The following ESRRB variants were observed in gnomAD, a reference collection of about 807,000 sequenced individuals.
ESRRB encodes the protein estrogen related receptor beta.
Under a neutral mutation model 46.0 loss-of-function variants are expected in ESRRB, and 16 were observed. That is an observed-to-expected ratio of 0.35 (90% CI 0.24 to 0.53). ESRRB has a LOEUF of 0.53. ESRRB is among the 20% of genes least tolerant of loss of function. ESRRB has a pLI of 0.93. For missense variants in ESRRB, 488 were observed against 607.4 expected (o/e 0.80, Z 2.07); for synonymous variants, 246 against 259.6 (o/e 0.95, Z 0.50).
At chr14:76,370,489 T>G (rs1001783716), upstream of ESRRB, among the ~76,000 whole-genome samples, 1 of 152,204 alleles carries the variant, frequency 6.6e-6, no homozygotes, top group Non-Finnish European at 1.5e-5. Flanking sequence ...TTCTTTGTTA[T>G]AAGAAAAAAC....
In ESRRB at chr14:76,439,607, A is replaced by T. The variant is rs769832766; in HGVS notation, c.317A>T (p.Glu106Val). 1 of 1,614,216 alleles carries T rather than the reference A, an allele frequency of 6.2e-7. No homozygotes were observed. The highest frequency in any genetic ancestry group is 1.1e-5 in the South Asian group (1 of 91,090). ...GAGGACTGTGCCAGCGGCATCATGG[A>T]GGACTCGGCCATCAAGTGCGAGTAC... ...SYEDCASGIM[E>V]DSAIKCEYML... Residue 106 changes from glutamate to valine, a missense_variant, in exon 2 of 7, where the codon GAG (glutamate) becomes GTG (valine). Transcript: ENST00000644823.
chr14:76,483,713 G>A (rs1311571413), intron 5 of ESRRB, among the ~76,000 whole-genome samples: 1 of 152,086 alleles, frequency 6.6e-6, no homozygotes, highest in African/African-American at 2.4e-5. Flanking sequence ...TTATCCTTCT[G>A]GTAATGACCC....
intron 1 of ESRRB, among the ~76,000 whole-genome samples, chr14:76,418,859 G>A (rs184688559): frequency 2.7e-5 from 4 of 149,712 alleles, no homozygotes; most frequent in Middle Eastern, 7.4e-3. Context: ...CAAGTGATCC[G>A]CCCACCTTGG....
At chr14:76,453,397 C>A (rs992348662) in intron 2 of ESRRB, among the ~76,000 whole-genome samples, 3 of 152,060 alleles carry the variant, frequency 2.0e-5, no homozygotes, top group African/African-American at 7.2e-5. Flanking sequence ...CCTGAGACAA[C>A]AGTGAACACT....
chr14:76,410,025 A>G (rs1188078449), intron 1 of ESRRB, among the ~76,000 whole-genome samples: 1 of 152,094 alleles, frequency 6.6e-6, no homozygotes, highest in African/African-American at 2.4e-5. Flanking sequence ...GGAGTTTGAG[A>G]CCACCCTGGC....
intron 1 of ESRRB, among the ~76,000 whole-genome samples, chr14:76,419,305 G>A (rs141056777): frequency 7.4e-4 from 113 of 152,268 alleles, no homozygotes; most frequent in African/African-American, 2.5e-3. Context: ...GTGAGCCACC[G>A]CACACGGCTG....
intron 1 of ESRRB, among the ~76,000 whole-genome samples, chr14:76,339,755 G>T (rs1884169889): frequency 6.6e-6 from 1 of 152,216 alleles, no homozygotes. Context: ...GGGGCAGGGG[G>T]CTCTCCCAGC....
chr14:76,458,725 T>G (rs1888723633), intron 2 of ESRRB, among the ~76,000 whole-genome samples: 1 of 151,176 alleles, frequency 6.6e-6, no homozygotes, highest in East Asian at 2.0e-4. Flanking sequence ...GCTGGAGGTG[T>G]GAAGCCCATG....
At chr14:76,367,626 G>C (rs1884538930), upstream of ESRRB, among the ~76,000 whole-genome samples, 1 of 152,078 alleles carries the variant, frequency 6.6e-6, no homozygotes, top group Admixed American at 6.5e-5. Context: ...AATTTGGGGA[G>C]CTGCCCTCCT....
At chr14:76,324,543 G>A (rs1173670246) in intron 1 of ESRRB, among the ~76,000 whole-genome samples, 5 of 152,190 alleles carry the variant, frequency 3.3e-5, no homozygotes, top group African/African-American at 1.2e-4. Flanking sequence ...GTGACCATGA[G>A]CTTCCATCTC....
intron 1 of ESRRB, among the ~76,000 whole-genome samples, chr14:76,420,185 G>A (rs2361285): frequency 0.19 from 28,701 of 152,142 alleles, 2,824 homozygotes; most frequent in Admixed American, 0.25. Flanking sequence ...CAGCTTCCCA[G>A]GTAAATCTCA....
At chr14:76,382,475 T>C (rs1267145121) in intron 1 of ESRRB, among the ~76,000 whole-genome samples, 1 of 152,220 alleles carries the variant, frequency 6.6e-6, no homozygotes, top group Admixed American at 6.5e-5. Context: ...AAGGAAGTCC[T>C]GCCCTTCTCC....
intron 1 of ESRRB, among the ~76,000 whole-genome samples, chr14:76,405,312 G>C (rs1309573058): frequency 2.0e-5 from 3 of 151,842 alleles, no homozygotes; most frequent in African/African-American, 7.3e-5. Flanking sequence ...GGTTCTTGCT[G>C]TGTTGGCCAG....
At chr14:76,487,304 C>T (rs182138977) in intron 5 of ESRRB, among the ~76,000 whole-genome samples, 50 of 152,244 alleles carry the variant, frequency 3.3e-4, no homozygotes, top group African/African-American at 1.2e-3. Context: ...AAGAGGAAAC[C>T]GAGGCACTGA....
At chr14:76,456,767 C>T (rs999635614) in intron 2 of ESRRB, among the ~76,000 whole-genome samples, 20 of 152,216 alleles carry the variant, frequency 1.3e-4, no homozygotes, top group Middle Eastern at 6.8e-3. Context: ...TTGCCAATTT[C>T]GTGATAGTGG....
chr14:76,447,377 G>T (rs185213840), intron 2 of ESRRB, among the ~76,000 whole-genome samples: 8 of 149,448 alleles, frequency 5.4e-5, no homozygotes, highest in African/African-American at 2.0e-4. Context: ...CAGCTTCCTG[G>T]TTCTTCCTCT....
At chr14:76,460,222 C>T (rs78967189) in intron 2 of ESRRB, among the ~76,000 whole-genome samples, 4,041 of 152,276 alleles carry the variant, frequency 0.027, 86 homozygotes, top group African/African-American at 0.057. Flanking sequence ...ACCCACCAGG[C>T]GACCTCAGCC....
At chr14:76,442,685 A>C (rs1425028104) in intron 2 of ESRRB, among the ~76,000 whole-genome samples, 1 of 152,136 alleles carries the variant, frequency 6.6e-6, no homozygotes, top group Non-Finnish European at 1.5e-5. Flanking sequence ...AACAACGGAC[A>C]CATTTATCTT....
At chr14:76,310,978 TTCTCTCTCTCTC>T (rs68079657) in intron 1 of ESRRB, 6,947 of 360,780 alleles carry the variant, frequency 0.019, 62 homozygotes, top group African/African-American at 0.06. Flanking sequence ...TCTGTCCCCT[TTCTCTCTCTCTC>T]TCTCTCTCTC....
Sources: allele counts gnomAD v4.1 joint callset (sites outside exome capture counted in the v4.1 genomes callset), GRCh38; gene constraint gnomAD v4.1.1; transcripts MANE v1.5; gene names NCBI Gene and HGNC (gene_info 2026-07-23, HGNC 2026-07-21).